SLC39A11: variants seen among roughly 807,000 people sequenced by gnomAD.
SLC39A11 encodes solute carrier family 39 member 11.
A neutral mutation model predicts 36.1 loss-of-function variants in SLC39A11; 33 were observed. The ratio of observed to expected loss-of-function variants is 0.91; its 90% CI spans 0.69 to 1.22. SLC39A11 has a LOEUF of 1.22. SLC39A11 is among the 50% of genes most tolerant of loss of function. SLC39A11 has a pLI of 0.00. For synonymous variants in SLC39A11, 166 were observed against 170.3 expected, an observed-to-expected ratio of 0.97 and a Z score of 0.20; for missense variants, 432 against 430.3, an observed-to-expected ratio of 1.00 and a Z score of -0.03.
intron 7 of SLC39A11, among the ~76,000 whole-genome samples, chr17:72,670,116 AGTTT>A (rs938835889): frequency 1.3e-5 from 2 of 151,300 alleles, no homozygotes; most frequent in African/African-American, 4.9e-5. Flanking sequence ...GTACATATAT[AGTTT>A]GTTTTGTAGA....
intron 6 of SLC39A11, among the ~76,000 whole-genome samples, chr17:72,847,481 A>T (rs766172522): frequency 2.0e-5 from 3 of 152,026 alleles, no homozygotes; most frequent in Non-Finnish European, 4.4e-5. Flanking sequence ...TCAAGAGGGG[A>T]ATGAGGGAGA....
chr17:72,951,412 T>C (rs1006593151), intron 4 of SLC39A11, among the ~76,000 whole-genome samples: 6 of 152,226 alleles, frequency 3.9e-5, no homozygotes, highest in East Asian at 1.9e-4. Flanking sequence ...GAGAAGAATT[T>C]CGCTAGTTTC....
intron 3 of SLC39A11, among the ~76,000 whole-genome samples, chr17:73,034,313 C>G (rs1198743075): frequency 1.1e-4 from 17 of 152,286 alleles, no homozygotes; most frequent in Non-Finnish European, 1.2e-4. Context: ...ACCTCTGCCT[C>G]CCAGGTTCAA....
At chr17:72,905,149 G>A (rs2147002886) in intron 5 of SLC39A11, among the ~76,000 whole-genome samples, 1 of 116,336 alleles carries the variant, frequency 8.6e-6, no homozygotes, top group East Asian at 3.0e-4. Context: ...CTCCAGCCTG[G>A]GCAACACAGC....
intron 7 of SLC39A11, among the ~76,000 whole-genome samples, chr17:72,718,075 A>C (rs760301392): frequency 6.6e-6 from 1 of 152,230 alleles, no homozygotes; most frequent in Non-Finnish European, 1.5e-5. Context: ...CACCGAATAC[A>C]AAATCTCTAT....
chr17:72,784,190 C>G (rs763510402), intron 6 of SLC39A11, among the ~76,000 whole-genome samples: 34 of 152,042 alleles, frequency 2.2e-4, no homozygotes, highest in Non-Finnish European at 4.6e-4. Context: ...ACTAAAAATA[C>G]AAAAATTAGC....
At chr17:72,755,353 G>A (rs2075332087) in intron 6 of SLC39A11, among the ~76,000 whole-genome samples, 1 of 152,258 alleles carries the variant, frequency 6.6e-6, no homozygotes, top group Non-Finnish European at 1.5e-5. Context: ...GAGGGACTGG[G>A]CAGAGAAGGT....
chr17:72,893,544 G>A (rs896323187), intron 5 of SLC39A11, among the ~76,000 whole-genome samples: 2 of 152,098 alleles, frequency 1.3e-5, no homozygotes, highest in Admixed American at 1.3e-4. Context: ...TGTACAATTT[G>A]TTCTTTAAGT....
chr17:72,663,303 G>T (rs867726938), intron 7 of SLC39A11, among the ~76,000 whole-genome samples: 6 of 152,144 alleles, frequency 3.9e-5, no homozygotes, highest in African/African-American at 1.4e-4. Flanking sequence ...CATATTTTTG[G>T]GAAAAGAGTA....
intron 3 of SLC39A11, among the ~76,000 whole-genome samples, chr17:73,063,589 T>C (rs2059911182): frequency 6.6e-6 from 1 of 151,876 alleles, no homozygotes; most frequent in South Asian, 2.1e-4. Context: ...CACTCCAGCC[T>C]GGGTAACAGA....
chr17:73,003,999 T>C (rs1453883540), intron 4 of SLC39A11, among the ~76,000 whole-genome samples: 1 of 150,900 alleles, frequency 6.6e-6, no homozygotes, highest in Non-Finnish European at 1.5e-5. Flanking sequence ...GGCAGGAGAA[T>C]CACTTAAACC....
chr17:72,886,549 C>T (rs893838166), intron 5 of SLC39A11, among the ~76,000 whole-genome samples: 3 of 152,150 alleles, frequency 2.0e-5, no homozygotes, highest in South Asian at 4.1e-4. Flanking sequence ...CCACTACAAA[C>T]GCATCCTCCA....
chr17:73,067,343 T>C (rs1489989645), intron 3 of SLC39A11, among the ~76,000 whole-genome samples: 2 of 152,230 alleles, frequency 1.3e-5, no homozygotes, highest in African/African-American at 4.8e-5. Context: ...TCCTGCCACT[T>C]TGTAGCATGG....
rs7226284 is a variant in SLC39A11 at position 72,745,093 on chromosome 17, C to T, written c.602-8374G>A. Among the ~76,000 whole-genome samples, 1,157 of 152,336 alleles carry T rather than the reference C, an allele frequency of 7.6e-3. 17 individuals are homozygous for T. The highest frequency in any genetic ancestry group is 0.027 in the African/African-American group (1,107 of 41,576). ...CTGACCTCAAGCGATCTGCCTGCCT[C>T]GGCCTCCCAGAGTGCTGGGATTACC... On this transcript the variant is annotated intron_variant, in intron 6 of 9. Coordinates refer to ENST00000255559, the MANE Select transcript of SLC39A11 (RefSeq NM_139177.4).
chr17:72,750,507 A>ATT (rs34117065), intron 6 of SLC39A11, among the ~76,000 whole-genome samples: 3 of 149,026 alleles, frequency 2.0e-5, no homozygotes, highest in African/African-American at 7.4e-5. Flanking sequence ...GGAGGAAAGG[A>ATT]TTTTTTTTTT....
intron 7 of SLC39A11, among the ~76,000 whole-genome samples, chr17:72,712,039 A>G (rs574711458): frequency 6.6e-6 from 1 of 152,376 alleles, no homozygotes; most frequent in Non-Finnish European, 1.5e-5. Flanking sequence ...GATTAGACTG[A>G]TGCCTTGTCC....
chr17:72,698,306 G>A (rs2072414206), intron 7 of SLC39A11, among the ~76,000 whole-genome samples: 1 of 152,184 alleles, frequency 6.6e-6, no homozygotes. Flanking sequence ...CTAAACTGAT[G>A]TGGTTACTCT....
chr17:72,870,781 T>A (rs1258176705), intron 5 of SLC39A11, among the ~76,000 whole-genome samples: 1 of 152,372 alleles, frequency 6.6e-6, no homozygotes, highest in East Asian at 1.9e-4. Context: ...GCCTATGTTA[T>A]CCTTCATCTA....
In SLC39A11 at chr17:73,026,594, G is replaced by A. The variant is rs190742205; in HGVS notation, c.306+4962C>T. 1.1e-3 allele frequency among the ~76,000 whole-genome samples: 167 copies of A among 151,506 alleles called. No individual in the cohort carries two copies. The East Asian group carries it at 0.018, about 16-fold the overall frequency. On this transcript the variant is annotated intron_variant, in intron 4 of 9. Coordinates refer to ENST00000255559, the MANE Select transcript of SLC39A11 (RefSeq NM_139177.4). ...GAAGAGAAACACTAGAATGATACCC[G>A]CTAAACTGGTAACAATGTTTGACTG...
Sources: gnomAD v4.1 joint callset for allele counts (sites outside exome capture counted in the v4.1 genomes callset) on GRCh38, gnomAD v4.1.1 for gene constraint, MANE v1.5 for transcripts, NCBI Gene and HGNC (gene_info 2026-07-23, HGNC 2026-07-21) for gene names.